Variants in TMEM40 observed in about 807,000 individuals in gnomAD.
TMEM40 encodes the protein transmembrane protein 40.
Under a neutral mutation model 40.8 loss-of-function variants are expected in TMEM40, and 34 were observed. The ratio of observed to expected loss-of-function variants is 0.83; its 90% CI spans 0.63 to 1.11. The LOEUF (loss-of-function observed/expected upper bound fraction) is 1.11. Ranked by LOEUF, TMEM40 falls within the 50% of genes least tolerant of loss-of-function variation. TMEM40 has a pLI of 0.00. For missense variants in TMEM40, 296 were observed against 280.2 expected, an observed-to-expected ratio of 1.06 and a Z score of -0.40; for synonymous variants, 106 against 107.0, an observed-to-expected ratio of 0.99 and a Z score of 0.06.
rs1429047099 is a variant in TMEM40 at position 12,756,702 on chromosome 3, C to A, written c.-9+2489G>T. Among the ~76,000 whole-genome samples, 5 of 152,214 alleles carry A rather than the reference C, an allele frequency of 3.3e-5. No homozygotes were observed. In the East Asian group the frequency reaches 9.6e-4, roughly 29 times the overall value. ...CAGCTAGACAGAGCCAGGCGGGTCCCTTCTCCCACAGCCTGGAATCTCAGT... is the reference window on the plus strand; with the variant it reads ...CAGCTAGACAGAGCCAGGCGGGTCCATTCTCCCACAGCCTGGAATCTCAGT... On this transcript the variant is annotated intron_variant, in intron 1 of 11. Coordinates refer to ENST00000314124, the MANE Select transcript of TMEM40 (RefSeq NM_018306.4).
intron 1 of TMEM40, among the ~76,000 whole-genome samples, chr3:12,753,952 T>C (rs1228239863): frequency 6.6e-6 from 1 of 152,062 alleles, no homozygotes; most frequent in African/African-American, 2.4e-5. Context: ...CTCCCAGCTC[T>C]CTTGACTCTC....
chr3:12,736,497 G>T, intron 10 of TMEM40, 81 bp downstream of exon 10: 1 of 1,478,390 alleles, frequency 6.8e-7, no homozygotes. Context: ...GTCCATACTT[G>T]AATGAGTATG....
chr3:12,754,515 G>T (rs1342333333), intron 1 of TMEM40, among the ~76,000 whole-genome samples: 1 of 152,172 alleles, frequency 6.6e-6, no homozygotes, highest in African/African-American at 2.4e-5. Flanking sequence ...TGTTAAAGTG[G>T]CAATATAAGC....
upstream of TMEM40, among the ~76,000 whole-genome samples, chr3:12,762,145 AT>A (rs887677885): frequency 2.8e-4 from 43 of 151,898 alleles, no homozygotes; most frequent in African/African-American, 1.0e-3. Flanking sequence ...ACTTTTTAAA[AT>A]TTTGTGTAGA....
upstream of TMEM40, among the ~76,000 whole-genome samples, chr3:12,760,177 A>C (rs2061559140): frequency 6.6e-6 from 1 of 152,166 alleles, no homozygotes; most frequent in African/African-American, 2.4e-5. Context: ...ACCTTGATCC[A>C]GCCAGTGTCA....
intron 2 of TMEM40, among the ~76,000 whole-genome samples, chr3:12,749,349 C>A (rs2061455404): frequency 6.6e-6 from 1 of 152,170 alleles, no homozygotes; most frequent in Non-Finnish European, 1.5e-5. Flanking sequence ...AAGCCCCCTG[C>A]CTTGCCCAGA....
chr3:12,742,362 A>G, intron 5 of TMEM40, 92 bp downstream of exon 5: 1 of 1,475,322 alleles, frequency 6.8e-7, no homozygotes, highest in South Asian at 1.2e-5. Flanking sequence ...TTTTCAGCTC[A>G]TGAATCACCC....
intron 1 of TMEM40, among the ~76,000 whole-genome samples, chr3:12,751,488 C>T (rs1230951031): frequency 6.6e-6 from 1 of 151,854 alleles, no homozygotes; most frequent in Non-Finnish European, 1.5e-5. Context: ...CCATATTGGC[C>T]AGGCTGGTCT....
intron 1 of TMEM40, among the ~76,000 whole-genome samples, chr3:12,756,048 G>C (rs570760701): frequency 6.6e-6 from 1 of 152,292 alleles, no homozygotes; most frequent in Admixed American, 6.5e-5. Flanking sequence ...ATTGGAAAGA[G>C]CAATGGAAAG....
chr3:12,763,177 A>C (rs2106624461), upstream of TMEM40, among the ~76,000 whole-genome samples: 1 of 151,810 alleles, frequency 6.6e-6, no homozygotes, highest in Non-Finnish European at 1.5e-5. Flanking sequence ...AAAAAAAAAA[A>C]AAAAAGGTTT....
chr3:12,735,448 G>C, intron 11 of TMEM40, 107 bp downstream of exon 11: 1 of 1,135,710 alleles, frequency 8.8e-7, no homozygotes, highest in Non-Finnish European at 1.3e-6. Context: ...CTCAAACCTG[G>C]GTCCTCTGCC....
chr3:12,746,657 G>T (rs916806586), intron 3 of TMEM40, among the ~76,000 whole-genome samples: 11 of 152,172 alleles, frequency 7.2e-5, no homozygotes, highest in Non-Finnish European at 1.6e-4. Context: ...CTGGCAGCAG[G>T]TCAGTCACCG....
intron 5 of TMEM40, among the ~76,000 whole-genome samples, chr3:12,741,953 C>T (rs995498441): frequency 2.6e-5 from 4 of 151,988 alleles, no homozygotes; most frequent in Non-Finnish European, 2.9e-5. Flanking sequence ...AAAAATTGGC[C>T]GGGCGCGGTG....
chr3:12,737,798 C>A, intron 7 of TMEM40, 44 bp from the exon 8 acceptor site: 1 of 1,586,448 alleles, frequency 6.3e-7, no homozygotes. Context: ...TGATGCAGGA[C>A]GGGAGGTGGG....
chr3:12,759,972 A>C (rs114103320), upstream of TMEM40, among the ~76,000 whole-genome samples: 67 of 20,882 alleles, frequency 3.2e-3, no homozygotes, highest in African/African-American at 0.015. Context: ...CCTTGGAGGG[A>C]AACAGGCAAG....
rs1324031836 is a variant in TMEM40 at position 12,734,204 on chromosome 3, T to C, written c.*570A>G. The C allele has an allele frequency of 6.6e-6, 1 of 152,348 alleles. No homozygotes were observed. The highest frequency in any genetic ancestry group is 1.9e-4 in the East Asian group (1 of 5,196). The allele number at this position is 152,348 out of a possible 1,614,324, so 9.4% of individuals were successfully genotyped here. A position where few individuals can be genotyped will look rare whatever the true frequency, so the allele number is the denominator to read the frequency against. ...CGAGGATTACAGTTGTGAGCCCCCA[T>C]GCCTGGCTGCCATTTAGTTTCTGAT... is the stretch of plus-strand genomic sequence containing the variant. On this transcript the variant is annotated 3_prime_UTR_variant, in exon 12 of 12. Coordinates refer to ENST00000314124, the MANE Select transcript of TMEM40 (RefSeq NM_018306.4).
intron 1 of TMEM40, among the ~76,000 whole-genome samples, chr3:12,751,567 T>C (rs539532887): frequency 2.0e-5 from 3 of 152,174 alleles, no homozygotes; most frequent in African/African-American, 4.8e-5. Flanking sequence ...CGTGAGCCAC[T>C]GCGCCTGGCC....
chr3:12,739,648 T>C (rs541942208), intron 5 of TMEM40, among the ~76,000 whole-genome samples: 1 of 151,794 alleles, frequency 6.6e-6, no homozygotes, highest in African/African-American at 2.4e-5. Flanking sequence ...CTTGAACTCC[T>C]GGGCTCAAGC....
At chr3:12,746,366 TG>T (rs1230034893) in intron 3 of TMEM40, among the ~76,000 whole-genome samples, 2 of 152,212 alleles carry the variant, frequency 1.3e-5, no homozygotes, top group Non-Finnish European at 2.9e-5. Flanking sequence ...TGGTTATCTC[TG>T]GGTAATGGGG....
Sources: allele counts gnomAD v4.1 joint callset (sites outside exome capture counted in the v4.1 genomes callset), GRCh38; gene constraint gnomAD v4.1.1; transcripts MANE v1.5; gene names NCBI Gene and HGNC (gene_info 2026-07-23, HGNC 2026-07-21).